Variants in SUCLG2 observed in about 807,000 individuals in gnomAD.
SUCLG2 encodes succinate-CoA ligase GDP-forming subunit beta, also known as succinate--CoA ligase [GDP-forming] subunit beta, mitochondrial.
A neutral mutation model predicts 47.9 loss-of-function variants in SUCLG2; 42 were observed. The observed-to-expected ratio is 0.88, with a 90% CI of 0.69 to 1.14. The LOEUF is 1.14. SUCLG2 is among the 50% of genes most tolerant of loss of function. The pLI is 0.00. For synonymous variants in SUCLG2, 195 were observed against 197.3 expected, an observed-to-expected ratio of 0.99 and a Z score of 0.10; for missense variants, 571 against 525.9, an observed-to-expected ratio of 1.09 and a Z score of -0.84.
intron 2 of SUCLG2, among the ~76,000 whole-genome samples, chr3:67,563,101 T>C (rs1290466548): frequency 6.7e-6 from 1 of 149,218 alleles, no homozygotes; most frequent in Non-Finnish European, 1.5e-5. Flanking sequence ...ATAATTTTAA[T>C]ATATAATACA....
chr3:67,419,998 T>C (rs1283997727), intron 9 of SUCLG2, among the ~76,000 whole-genome samples: 1 of 152,136 alleles, frequency 6.6e-6, no homozygotes, highest in Non-Finnish European at 1.5e-5. Flanking sequence ...ATGAAGATAA[T>C]TAATTGGAAT....
At chr3:67,595,954 T>TC (rs1191131739) in intron 2 of SUCLG2, among the ~76,000 whole-genome samples, 1 of 152,232 alleles carries the variant, frequency 6.6e-6, no homozygotes, top group African/African-American at 2.4e-5. Context: ...TGAATGTGTC[T>TC]CCTAAGACAT....
At chr3:67,360,666 T>G in exon 11 of SUCLG2, 5 of 1,519,694 alleles carry the variant, frequency 3.3e-6, no homozygotes, top group Admixed American at 2.0e-5. Context: ...CTTACTCAGA[T>G]TTTGGTGGGC....
At chr3:67,396,767 T>C (rs553783273) in intron 10 of SUCLG2, among the ~76,000 whole-genome samples, 5 of 152,016 alleles carry the variant, frequency 3.3e-5, no homozygotes, top group African/African-American at 9.7e-5. Context: ...GATGCAAAAA[T>C]CCTCAATAAA....
At chr3:67,581,439 T>G (rs1707874903) in intron 2 of SUCLG2, among the ~76,000 whole-genome samples, 1 of 152,224 alleles carries the variant, frequency 6.6e-6, no homozygotes, top group Non-Finnish European at 1.5e-5. Flanking sequence ...TCTGGACACT[T>G]AATCTTTCTC....
intron 1 of SUCLG2, among the ~76,000 whole-genome samples, chr3:67,613,157 T>C (rs1412973943): frequency 6.6e-6 from 1 of 152,184 alleles, no homozygotes; most frequent in African/African-American, 2.4e-5. Context: ...CATTGGCGAT[T>C]AACTCAACTT....
chr3:67,394,336 T>C (rs1203423204), intron 10 of SUCLG2, among the ~76,000 whole-genome samples: 2 of 151,392 alleles, frequency 1.3e-5, no homozygotes, highest in African/African-American at 2.4e-5. Context: ...AAGGAGCTGA[T>C]GGAGCTGAAA....
intron 9 of SUCLG2, among the ~76,000 whole-genome samples, chr3:67,469,861 C>T (rs904822761): frequency 3.3e-5 from 5 of 151,914 alleles, no homozygotes; most frequent in African/African-American, 9.7e-5. Flanking sequence ...GCCTGACCAA[C>T]ATGGTGAAAC....
chr3:67,552,353 G>A (rs982076781), intron 2 of SUCLG2, among the ~76,000 whole-genome samples: 1 of 151,932 alleles, frequency 6.6e-6, no homozygotes, highest in Admixed American at 6.6e-5. Context: ...ACATTTTTGT[G>A]ACTTAATATA....
At chr3:67,409,979 G>C (rs1183053691) in intron 9 of SUCLG2, among the ~76,000 whole-genome samples, 1 of 152,134 alleles carries the variant, frequency 6.6e-6, no homozygotes, top group African/African-American at 2.4e-5. Context: ...CCTAAGTAAT[G>C]CTCCTTGAAA....
Position 67,642,578 on chromosome 3 carries a change from G to A in SUCLG2, c.84+11925C>T, listed in dbSNP as rs116356148. Among the ~76,000 whole-genome samples the A allele has an allele frequency of 6.1e-3, 925 of 152,268 alleles. 9 individuals are homozygous for A. The highest frequency in any genetic ancestry group is 0.021 in the African/African-American group (865 of 41,538). ...TGAGCTGTTATACGATCTTGCCACT[G>A]CACTCCAGCCTGGATGACACAACAA... is the stretch of plus-strand genomic sequence containing the variant. On this transcript the variant is annotated intron_variant, in intron 1 of 10. Coordinates refer to ENST00000307227, the MANE Select transcript of SUCLG2 (RefSeq NM_003848.4).
At chr3:67,527,213 G>A (rs1706277388) in intron 4 of SUCLG2, among the ~76,000 whole-genome samples, 1 of 152,204 alleles carries the variant, frequency 6.6e-6, no homozygotes, top group Non-Finnish European at 1.5e-5. Context: ...CTGCAGCATG[G>A]TGCATTGGTA....
chr3:67,502,785 GT>G (rs1450587622), intron 7 of SUCLG2, among the ~76,000 whole-genome samples: 7 of 152,126 alleles, frequency 4.6e-5, no homozygotes, highest in Non-Finnish European at 2.9e-5. Context: ...GTTACCCATG[GT>G]TTTCAATAAA....
At chr3:67,460,607 T>C (rs1244444292) in intron 9 of SUCLG2, among the ~76,000 whole-genome samples, 1 of 152,176 alleles carries the variant, frequency 6.6e-6, no homozygotes, top group Non-Finnish European at 1.5e-5. Flanking sequence ...TATCACATTT[T>C]ACAGCTGAGG....
chr3:67,459,224 C>G (rs796273764), intron 9 of SUCLG2, among the ~76,000 whole-genome samples: 1 of 151,902 alleles, frequency 6.6e-6, no homozygotes, highest in Non-Finnish European at 1.5e-5. Flanking sequence ...GCCTGCTTGA[C>G]GAAGCACATT....
intron 9 of SUCLG2, among the ~76,000 whole-genome samples, chr3:67,406,591 G>C (rs1050978770): frequency 1.3e-5 from 2 of 152,146 alleles, no homozygotes; most frequent in African/African-American, 4.8e-5. Context: ...ATGTATACAG[G>C]TGGAGGAACA....
At chr3:67,471,953 A>G (rs995016093) in intron 9 of SUCLG2, among the ~76,000 whole-genome samples, 1 of 143,506 alleles carries the variant, frequency 7.0e-6, no homozygotes, top group African/African-American at 2.5e-5. Flanking sequence ...CATATTAGAT[A>G]TATGCATACA....
At chr3:67,472,016 T>A (rs1035164041) in intron 9 of SUCLG2, among the ~76,000 whole-genome samples, 2 of 152,158 alleles carry the variant, frequency 1.3e-5, no homozygotes, top group African/African-American at 4.8e-5. Flanking sequence ...ATTATTTTCA[T>A]AAAATTACTA....
intron 2 of SUCLG2, among the ~76,000 whole-genome samples, chr3:67,556,415 T>G (rs2107205993): frequency 6.6e-6 from 1 of 152,360 alleles, no homozygotes; most frequent in South Asian, 2.1e-4. Flanking sequence ...TCCTCTCAAA[T>G]GCTAACGGTT....
Sources: allele counts gnomAD v4.1 joint callset (sites outside exome capture counted in the v4.1 genomes callset), GRCh38; gene constraint gnomAD v4.1.1; transcripts MANE v1.5; gene names NCBI Gene and HGNC (gene_info 2026-07-23, HGNC 2026-07-21).